BANK1: variants seen among roughly 807,000 people sequenced by gnomAD.
BANK1 encodes B-cell scaffold protein with ankyrin repeats.
In BANK1, 95 loss-of-function variants were observed where a neutral mutation model predicts 94.5. The ratio of observed to expected loss-of-function variants is 1.00; its 90% CI spans 0.85 to 1.19. The LOEUF (loss-of-function observed/expected upper bound fraction) is 1.19, where lower values mean the gene tolerates loss of function less well. Among genes scored for constraint, BANK1 ranks in the 50% most tolerant of loss-of-function variants. The pLI is 0.00. For missense variants in BANK1, 987 were observed against 932.2 expected (o/e 1.06, Z -0.77); for synonymous variants, 334 against 308.4 (o/e 1.08, Z -0.87).
intron 7 of BANK1, among the ~76,000 whole-genome samples, chr4:101,928,816 A>G (rs1369436351): frequency 2.0e-5 from 3 of 151,510 alleles, no homozygotes; most frequent in Non-Finnish European, 4.4e-5. Context: ...AGTGGAGAGC[A>G]GCGCCTGGCG....
At chr4:102,006,156 A>G (rs754675615) in intron 7 of BANK1, among the ~76,000 whole-genome samples, 39 of 152,156 alleles carry the variant, frequency 2.6e-4, no homozygotes, top group Non-Finnish European at 4.0e-4. Flanking sequence ...CCTTGAAACA[A>G]CCCAAAGAAA....
intron 7 of BANK1, among the ~76,000 whole-genome samples, chr4:102,004,782 A>G (rs2850387): frequency 0.34 from 51,977 of 151,992 alleles, 9,481 homozygotes; most frequent in Non-Finnish European, 0.4. Flanking sequence ...GTGTGGCTTT[A>G]GAAAAATTAA....
chr4:101,968,942 T>C (rs1724855548), intron 7 of BANK1, among the ~76,000 whole-genome samples: 1 of 152,110 alleles, frequency 6.6e-6, no homozygotes, highest in African/African-American at 2.4e-5. Context: ...TAATACAGTC[T>C]AGATGAGAAA....
At chr4:101,888,457 G>A (rs1054368075) in intron 5 of BANK1, among the ~76,000 whole-genome samples, 1 of 152,260 alleles carries the variant, frequency 6.6e-6, no homozygotes, top group East Asian at 1.9e-4. Flanking sequence ...ATAATGTTGG[G>A]AACTGCAGTG....
intron 5 of BANK1, among the ~76,000 whole-genome samples, chr4:101,872,236 G>T (rs934966230): frequency 1.3e-5 from 2 of 152,058 alleles, no homozygotes; most frequent in Non-Finnish European, 2.9e-5. Flanking sequence ...GCAAACCATG[G>T]CATGGCAAGG....
intron 7 of BANK1, among the ~76,000 whole-genome samples, chr4:101,992,181 C>G (rs1162700024): frequency 6.6e-6 from 1 of 152,218 alleles, no homozygotes; most frequent in Middle Eastern, 3.4e-3. Flanking sequence ...CTTACTGAAC[C>G]ATGTTGACAT....
At chr4:102,056,862 C>T (rs1284027181) in intron 11 of BANK1, among the ~76,000 whole-genome samples, 1 of 152,038 alleles carries the variant, frequency 6.6e-6, no homozygotes, top group Non-Finnish European at 1.5e-5. Context: ...AAAAACTAGC[C>T]AGTTATGGTG....
chr4:101,817,398 G>A (rs1004444586), intron 1 of BANK1, among the ~76,000 whole-genome samples: 1 of 152,136 alleles, frequency 6.6e-6, no homozygotes, highest in Non-Finnish European at 1.5e-5. Flanking sequence ...TGGTGCTGAA[G>A]GCCATCATCC....
chr4:101,912,238 T>A (rs1243323735), intron 6 of BANK1, among the ~76,000 whole-genome samples: 1 of 152,134 alleles, frequency 6.6e-6, no homozygotes, highest in Non-Finnish European at 1.5e-5. Context: ...CTATTATTAA[T>A]CCACCCTAAA....
intron 7 of BANK1, among the ~76,000 whole-genome samples, chr4:102,009,822 A>G (rs1191141928): frequency 3.3e-5 from 5 of 152,164 alleles, no homozygotes; most frequent in Admixed American, 2.0e-4. Flanking sequence ...TATTATTATT[A>G]TGTATATCAT....
At position 101,970,497 on chromosome 4, in the gene BANK1, C is replaced by T. The variant is rs192262230; in HGVS notation, c.1207-51017C>T. ...TTTTATTCTGTCTTTGTCCTATCAC[C>T]ACCACTCTCCTGGAGGGGAGAGGAA... On this transcript the variant is annotated intron_variant, in intron 7 of 16. Transcript: ENST00000322953. Among the ~76,000 whole-genome samples, 273 of 152,170 alleles carry T rather than the reference C, an allele frequency of 1.8e-3. 1 individual carries two copies. The highest frequency in any genetic ancestry group is 3.7e-3 in the Non-Finnish European group (250 of 67,998).
At position 101,807,999 on chromosome 4, in the gene BANK1, C is replaced by T. The variant is rs143058894; in HGVS notation, c.70+17049C>T. Reference sequence around the variant, plus strand: ...ACTCGGGAGAGTGAGGCAGGAGAATCGCTTGAACCCGGGATGTGGAGGTTG... The same window carrying T: ...ACTCGGGAGAGTGAGGCAGGAGAATTGCTTGAACCCGGGATGTGGAGGTTG... On this transcript the variant is annotated intron_variant, in intron 1 of 16. Coordinates refer to ENST00000322953, the MANE Select transcript of BANK1 (RefSeq NM_017935.5). Among the ~76,000 whole-genome samples, 1,121 of 151,354 alleles carry T rather than the reference C, an allele frequency of 7.4e-3. 25 individuals carry two copies. The highest frequency in any genetic ancestry group is 0.026 in the African/African-American group (1,056 of 41,196).
chr4:101,903,219 T>C (rs1442264582), intron 6 of BANK1, among the ~76,000 whole-genome samples: 1 of 152,210 alleles, frequency 6.6e-6, no homozygotes, highest in African/African-American at 2.4e-5. Flanking sequence ...ATCCAATTAG[T>C]TAATTTCAAA....
At chr4:101,858,319 C>T (rs1214293934) in intron 3 of BANK1, among the ~76,000 whole-genome samples, 1 of 152,150 alleles carries the variant, frequency 6.6e-6, no homozygotes, top group East Asian at 1.9e-4. Flanking sequence ...GTAATGCACA[C>T]AACAGCTCCC....
chr4:101,829,651 C>G (rs1726524459), intron 1 of BANK1, among the ~76,000 whole-genome samples, 157 bp from the exon 2 acceptor site: 1 of 151,762 alleles, frequency 6.6e-6, no homozygotes, highest in Non-Finnish European at 1.5e-5. Context: ...TTTATTTAAT[C>G]TATGATTTTT....
intron 5 of BANK1, among the ~76,000 whole-genome samples, chr4:101,879,769 T>C (rs1372098637): frequency 6.6e-6 from 1 of 152,112 alleles, no homozygotes; most frequent in African/African-American, 2.4e-5. Flanking sequence ...ATTCTTGGGA[T>C]GTAAGGATGT....
intron 13 of BANK1, among the ~76,000 whole-genome samples, chr4:102,063,810 C>CTCTA (rs1466233409): frequency 1.4e-5 from 2 of 141,790 alleles, no homozygotes; most frequent in African/African-American, 2.7e-5. Flanking sequence ...CAGAGCAAGA[C>CTCTA]TCTATCTCAA....
At chr4:101,958,422 C>T (rs1724440914) in intron 7 of BANK1, among the ~76,000 whole-genome samples, 1 of 137,492 alleles carries the variant, frequency 7.3e-6, no homozygotes, top group African/African-American at 2.7e-5. Context: ...GCTACAAACA[C>T]TTTTTTTTTT....
At chr4:101,959,738 G>C (rs570247643) in intron 7 of BANK1, among the ~76,000 whole-genome samples, 28 of 152,268 alleles carry the variant, frequency 1.8e-4, no homozygotes, top group Non-Finnish European at 2.6e-4. Context: ...GCTCTCCCAG[G>C]GTTTCTTTGA....
Sources: allele counts gnomAD v4.1 joint callset (sites outside exome capture counted in the v4.1 genomes callset), GRCh38; gene constraint gnomAD v4.1.1; transcripts MANE v1.5; gene names NCBI Gene and HGNC (gene_info 2026-07-23, HGNC 2026-07-21).